The following PRRG4 variants were observed in gnomAD, a reference collection of about 807,000 sequenced individuals.
The protein encoded by PRRG4 is transmembrane gamma-carboxyglutamic acid protein 4.
Under a neutral mutation model 20.0 loss-of-function variants are expected in PRRG4, and 12 were observed. That is an observed-to-expected ratio of 0.60 (90% CI 0.38 to 0.97). PRRG4 has a LOEUF of 0.97. Among genes scored for constraint, PRRG4 ranks in the 50% least tolerant of loss-of-function variants. PRRG4 has a pLI of 0.00. For synonymous variants in PRRG4, 94 were observed against 96.4 expected, an observed-to-expected ratio of 0.98 and a Z score of 0.15; for missense variants, 199 against 265.1, an observed-to-expected ratio of 0.75 and a Z score of 1.73.
intron 5 of PRRG4, among the ~76,000 whole-genome samples, chr11:32,849,081 A>C (rs771468458): frequency 1.3e-5 from 2 of 151,856 alleles, no homozygotes; most frequent in Non-Finnish European, 2.9e-5. Context: ...GTAATAAAGG[A>C]GCTGGACACA....
chr11:32,848,218 A>G (rs1851148433), intron 5 of PRRG4, among the ~76,000 whole-genome samples: 1 of 152,154 alleles, frequency 6.6e-6, no homozygotes, highest in Admixed American at 6.5e-5. Context: ...CTCACATGGC[A>G]GAAGAGCAGA....
rs1247700688 is a variant in PRRG4, at chr11:32,855,770, G to T, written c.*2243G>T. 1 of 152,120 alleles carries T rather than the reference G, an allele frequency of 6.6e-6. No individual in the cohort carries two copies. Among genetic ancestry groups the T allele is most frequent in the Admixed American group, 6.6e-5 (1 of 15,260 alleles). The allele number at this position is 152,120 out of a possible 1,614,324, so 9.4% of individuals were successfully genotyped here. A position where few individuals can be genotyped will look rare whatever the true frequency, so the allele number is the denominator to read the frequency against. The stretch of plus-strand genomic sequence containing the variant: ...AAATCTTGCTATTCCTTGTGTCTTG[G>T]CTTTACATAAGCACTTTTGCTCATG... On this transcript the variant is annotated 3_prime_UTR_variant, in exon 6 of 6. Coordinates refer to ENST00000257836, the MANE Select transcript of PRRG4 (RefSeq NM_024081.6).
chr11:32,852,662 A>T (rs1033823672), intron 5 of PRRG4, among the ~76,000 whole-genome samples: 10 of 152,050 alleles, frequency 6.6e-5, no homozygotes, highest in Non-Finnish European at 1.2e-4. Context: ...AATCCACACA[A>T]ACCAACTCTG....
At chr11:32,838,644 G>A (rs1851046636) in intron 3 of PRRG4, among the ~76,000 whole-genome samples, 1 of 152,046 alleles carries the variant, frequency 6.6e-6, no homozygotes, top group African/African-American at 2.4e-5. Flanking sequence ...AAAATAGTAG[G>A]CACAGTAGTA....
Position 32,829,970 on chromosome 11 carries a change from C to A in PRRG4, c.-226C>A, listed in dbSNP as rs1850946664. 5 of 985,504 alleles carry A rather than the reference C, an allele frequency of 5.1e-6. No individual in the cohort carries two copies. Among genetic ancestry groups the A allele is most frequent in the Non-Finnish European group, 6.0e-6 (5 of 830,032 alleles). The allele number at this position is 985,504 out of a possible 1,614,324, so 61.0% of individuals were successfully genotyped here. ...CGGACCGAGGCAGGACCTCACCCCG[C>A]GCGTGTTCCCCGGGCGCCCCTCTGC... On this transcript the variant is annotated 5_prime_UTR_variant, in exon 1 of 6. Coordinates refer to ENST00000257836, the MANE Select transcript of PRRG4 (RefSeq NM_024081.6).
At chr11:32,830,399 T>C in intron 1 of PRRG4, 109 bp from the exon 2 acceptor site, 1 of 993,458 alleles carries the variant, frequency 1.0e-6, no homozygotes, top group Non-Finnish European at 1.3e-6. Context: ...CGCCGGGCGC[T>C]CTTGCGCCTA....
In PRRG4 at chr11:32,854,627, C is replaced by A. The variant is rs943802744; in HGVS notation, c.*1100C>A. On this transcript the variant is annotated 3_prime_UTR_variant, in exon 6 of 6. Transcript: ENST00000257836. ...CTACTCTTTCTTAGGATTTTTTTGG[C>A]GGGGGGTTAGAAATACTTCACAGAA... 1 of 147,344 alleles carries A rather than the reference C, an allele frequency of 6.8e-6. No homozygotes were observed. Among genetic ancestry groups the A allele is most frequent in the Non-Finnish European group, 1.5e-5 (1 of 66,954 alleles). The allele number at this position is 147,344 out of a possible 1,614,324, so 9.1% of individuals were successfully genotyped here.
chr11:32,839,005 T>G (rs1396134532), intron 4 of PRRG4, 75 bp downstream of exon 4: 5 of 1,130,438 alleles, frequency 4.4e-6, no homozygotes, highest in African/African-American at 1.5e-5. Flanking sequence ...TTTTATTGTT[T>G]GAGTTTGGTT....
At chr11:32,830,289 C>T in intron 1 of PRRG4, 116 bp downstream of exon 1, 2 of 868,270 alleles carry the variant, frequency 2.3e-6, no homozygotes, top group Non-Finnish European at 3.1e-6. Flanking sequence ...GACAGGTGCC[C>T]GATCAGCCCT....
chr11:32,854,881 G>C lies in PRRG4; in HGVS notation c.*1354G>C, dbSNP rs1851217376. ...AGTTTGCAATGAAAAGGATTTGCAA[G>C]GGTTGTTATGCTATCAAATAAACAG... On this transcript the variant is annotated 3_prime_UTR_variant, in exon 6 of 6. Coordinates refer to ENST00000257836, the MANE Select transcript of PRRG4 (RefSeq NM_024081.6). 6.6e-6 allele frequency: 1 copy of C among 152,106 alleles called. No individual in the cohort carries two copies. Among genetic ancestry groups the C allele is most frequent in the Non-Finnish European group, 1.5e-5 (1 of 68,018 alleles). 9.4% of individuals were successfully genotyped at this position (152,106 alleles called of 1,614,324 possible). A position where few individuals can be genotyped will look rare whatever the true frequency, so the allele number is the denominator to read the frequency against.
rs1850962692 is a variant in PRRG4 at position 32,830,713 on chromosome 11, C to A, written c.103+81C>A. On this transcript the variant is annotated intron_variant, in intron 2 of 5. Coordinates refer to ENST00000257836, the MANE Select transcript of PRRG4 (RefSeq NM_024081.6). ...AAAGTGCAGTATTTGAAATTACATA[C>A]CCCCAGCAATCATAGAAACACTAAA... 3.1e-6 allele frequency: 5 copies of A among 1,591,888 alleles called. No individual in the cohort carries two copies. The South Asian group carries it at 3.4e-5, about 11-fold the overall frequency.
At chr11:32,839,602 A>T (rs1255807356) in intron 4 of PRRG4, among the ~76,000 whole-genome samples, 1 of 149,162 alleles carries the variant, frequency 6.7e-6, no homozygotes, top group Non-Finnish European at 1.5e-5. Context: ...TAAATAAATA[A>T]TTTTTAAATA....
At chr11:32,853,166 T>C in intron 5 of PRRG4, 130 bp from the exon 6 acceptor site, 1 of 660,348 alleles carries the variant, frequency 1.5e-6, no homozygotes, top group East Asian at 2.7e-5. Flanking sequence ...AGTCTGGGGG[T>C]AAAATAAAAC....
At chr11:32,848,423 T>C (rs1851150032) in intron 5 of PRRG4, among the ~76,000 whole-genome samples, 2 of 152,108 alleles carry the variant, frequency 1.3e-5, no homozygotes, top group South Asian at 4.1e-4. Context: ...TGGGGAGTTA[T>C]TGTTTCTTAT....
intron 5 of PRRG4, among the ~76,000 whole-genome samples, chr11:32,848,982 A>AAAG (rs1354405382): frequency 2.2e-5 from 3 of 133,816 alleles, no homozygotes; most frequent in Non-Finnish European, 4.8e-5. Context: ...AAAAAAAAAA[A>AAAG]AAAGAATTTA....
chr11:32,846,099 T>C (rs1763477850), intron 5 of PRRG4, among the ~76,000 whole-genome samples: 1 of 151,876 alleles, frequency 6.6e-6, no homozygotes, highest in South Asian at 2.1e-4. Flanking sequence ...TGGAGGCTAC[T>C]GTGAGCCGTG....
chr11:32,830,725 A>G lies in PRRG4; in HGVS notation c.103+93A>G, dbSNP rs944181521. 6 of 1,573,686 alleles carry G rather than the reference A, an allele frequency of 3.8e-6. No homozygotes were observed. The Admixed American group carries it at 5.8e-5, about 15-fold the overall frequency. Reference sequence around the variant, plus strand: ...TTGAAATTACATACCCCCAGCAATCATAGAAACACTAAAATATCCTTTAGT... The same window carrying G: ...TTGAAATTACATACCCCCAGCAATCGTAGAAACACTAAAATATCCTTTAGT... On this transcript the variant is annotated intron_variant, in intron 2 of 5. Coordinates refer to ENST00000257836, the MANE Select transcript of PRRG4 (RefSeq NM_024081.6).
Position 32,840,338 on chromosome 11 carries a change from C to G in PRRG4, c.449+99C>G, listed in dbSNP as rs986082004. On this transcript the variant is annotated intron_variant, in intron 5 of 5. Transcript: ENST00000257836. The surrounding 1 kb of genome is among the most constrained non-coding windows in gnomAD (Gnocchi z 4.1). ...ATGGCTGCCTATTTTCTTAAATAAG[C>G]CTTTTATTTTGGAAGAATTTTAGAT... The G allele has an allele frequency of 2.2e-6, 2 of 912,680 alleles. No individual in the cohort carries two copies. The highest frequency in any genetic ancestry group is 2.5e-5 in the East Asian group (1 of 40,314). 56.5% of individuals were successfully genotyped at this position (912,680 alleles called of 1,614,324 possible). A position where few individuals can be genotyped will look rare whatever the true frequency, so the allele number is the denominator to read the frequency against.
At chr11:32,845,156 C>T (rs1851116589) in intron 5 of PRRG4, among the ~76,000 whole-genome samples, 1 of 152,132 alleles carries the variant, frequency 6.6e-6, no homozygotes, top group Non-Finnish European at 1.5e-5. Flanking sequence ...CCATCTTCCA[C>T]ATCACCTGCT....
Sources: gnomAD v4.1 joint callset for allele counts (sites outside exome capture counted in the v4.1 genomes callset) on GRCh38, gnomAD v4.1.1 for gene constraint, Gnocchi (gnomAD v3.1) non-coding constraint, MANE v1.5 for transcripts, NCBI Gene and HGNC (gene_info 2026-07-23, HGNC 2026-07-21) for gene names.